The following EBP variants were observed in gnomAD, a reference collection of about 807,000 sequenced individuals.
The protein encoded by EBP is EBP cholestenol delta-isomerase.
Under a neutral mutation model 14.1 loss-of-function variants are expected in EBP, and 1 was observed. The observed-to-expected ratio is 0.07, with a 90% confidence interval of 0.03 to 0.34. EBP has a LOEUF of 0.34. Ranked by LOEUF, EBP falls within the 10% of genes least tolerant of loss-of-function variation. The pLI, the probability that EBP is intolerant of heterozygous loss-of-function variation, is 0.99. For synonymous variants in EBP, 72 were observed against 77.7 expected, an observed-to-expected ratio of 0.93 and a Z score of 0.38; for missense variants, 123 against 184.6, an observed-to-expected ratio of 0.67 and a Z score of 1.93.
At chrX:48,525,884 T>G in intron 2 of EBP, among the ~76,000 whole-genome samples, 1 of 108,473 alleles carries the variant, frequency 9.2e-6, no homozygotes, top group Non-Finnish European at 1.9e-5. Flanking sequence ...GTCAGGAGTT[T>G]GAGACCAGTC....
chrX:48,527,507 A>T, intron 4 of EBP: 1 of 515,190 alleles, frequency 1.9e-6, no homozygotes, highest in Non-Finnish European at 3.1e-6. Context: ...CTCCTTCTCC[A>T]TCACAAAGTC....
chrX:48,522,609 A>AAAGGGCTGGAAC (rs2061766189), intron 1 of EBP, among the ~76,000 whole-genome samples: 1 of 112,071 alleles, frequency 8.9e-6, no homozygotes, highest in African/African-American at 3.2e-5. Context: ...TATGGCTTCT[A>AAAGGGCTGGAAC]AAGGGCTGGA....
chrX:48,525,650 A>G (rs2061776617), intron 2 of EBP, among the ~76,000 whole-genome samples: 1 of 109,094 alleles, frequency 9.2e-6, no homozygotes, highest in Admixed American at 9.9e-5. Context: ...AAGTGCTAGG[A>G]TTACAAGCAT....
rs782366560 is a variant in EBP, at chrX:48,524,020, C to T, written c.249C>T (p.Phe83=). 8.3e-6 allele frequency: 10 copies of T among 1,211,368 alleles called. No individual in the cohort carries two copies. Among genetic ancestry groups the T allele is most frequent in the East Asian group, 3.0e-5 (1 of 33,854 alleles). Residue 83 remains phenylalanine (F), a synonymous_variant, in exon 2 of 5, where the codon TTC becomes TTT. Coordinates refer to ENST00000495186, the MANE Select transcript of EBP (RefSeq NM_006579.3). ...GFIHLVIEGW[F]VLYYEDLLGD... ...TTCACCTGGTGATCGAGGGCTGGTT[C>T]GTTCTCTACTACGAAGACCTGCTTG...
chrX:48,523,570 ACGG>A, intron 1 of EBP, 126 bp from the exon 2 acceptor site: 2 of 453,817 alleles, frequency 4.4e-6, no homozygotes, highest in Admixed American at 4.1e-5. Flanking sequence ...AAAAAAAAAA[ACGG>A]AATGTAATTA....
intron 2 of EBP, 83 bp from the exon 3 acceptor site, chrX:48,526,906 T>C (rs1214509519): frequency 1.8e-6 from 2 of 1,098,650 alleles, no homozygotes; most frequent in Non-Finnish European, 2.5e-6. Context: ...GAAGTCTGTC[T>C]TCTTGCAGGG....
At chrX:48,527,574 G>C in intron 4 of EBP, 1 of 376,874 alleles carries the variant, frequency 2.7e-6, no homozygotes, top group Non-Finnish European at 4.7e-6. Flanking sequence ...GGAACCTCCA[G>C]GATCAGGGCT....
chrX:48,527,988 T>C (rs1234018926), intron 4 of EBP, among the ~76,000 whole-genome samples: 3 of 112,124 alleles, frequency 2.7e-5, no homozygotes, highest in African/African-American at 9.7e-5. Context: ...TCCTAAGCTG[T>C]CTTGGATTTG....
In EBP at chrX:48,528,301, G is replaced by A; in HGVS notation, c.537G>A (p.Leu179=). The A allele has an allele frequency of 8.3e-7, 1 of 1,211,536 alleles. No individual in the cohort carries two copies. The highest frequency in any genetic ancestry group is 2.3e-4 in the Middle Eastern group (1 of 4,353). The change falls in exon 5 of 5, where the codon CTG becomes CTA. Residue 179 remains leucine (L), a synonymous_variant. Transcript: ENST00000495186. ...EHRDGFQHGE[L]GHPLYFWFYF... The stretch of plus-strand genomic sequence containing the variant: ...GCGACGGATTCCAGCACGGAGAGCT[G>A]GGCCACCCTCTCTACTTCTGGTTTT...
In EBP at chrX:48,523,723, T is replaced by C. The variant is rs1057523309; in HGVS notation, c.-49T>C. On this transcript the variant is annotated 5_prime_UTR_variant, in exon 2 of 5. Transcript: ENST00000495186. The stretch of plus-strand genomic sequence containing the variant: ...GGTTTTTCTGTTCCTTTTTTTTTTT[T>C]TTTTTTAACTTCCTGCCTATACACA... The C allele has an allele frequency of 8.6e-6, 9 of 1,047,081 alleles. No individual in the cohort carries two copies. The Admixed American group carries it at 2.5e-4, about 29-fold the overall frequency. 86.3% of individuals were successfully genotyped at this position (1,047,081 alleles called of 1,213,427 possible).
chrX:48,523,643 A>G, intron 1 of EBP, 56 bp from the exon 2 acceptor site: 1 of 726,739 alleles, frequency 1.4e-6, no homozygotes, highest in South Asian at 2.5e-5. Flanking sequence ...TTCTCATGAT[A>G]ATAAACTATT....
Position 48,523,865 on chromosome X carries a change from C to T in EBP, c.94C>T (p.Leu32=), listed in dbSNP as rs782262884. The stretch of plus-strand genomic sequence containing the variant: ...TAATGACCGCCCCACCTGGCATATA[C>T]TGGCTGGCCTCTTCTCTGTCACAGG... ...VPNDRPTWHI[L]AGLFSVTGVL... is the part of the protein sequence containing the mutation. Residue 32 remains leucine, a synonymous_variant, in exon 2 of 5, where the codon CTG becomes TTG. Transcript: ENST00000495186. 2.9e-5 allele frequency: 35 copies of T among 1,209,281 alleles called. No homozygotes were observed. The highest frequency in any genetic ancestry group is 2.2e-5 in the Non-Finnish European group (20 of 895,128).
At chrX:48,525,669 G>A (rs996762748) in intron 2 of EBP, among the ~76,000 whole-genome samples, 1 of 108,971 alleles carries the variant, frequency 9.2e-6, no homozygotes, top group Non-Finnish European at 1.9e-5. Context: ...ATGAGCCACC[G>A]CACCCAGCTG....
chrX:48,524,391 G>A (rs2061773170), intron 2 of EBP: 1 of 162,110 alleles, frequency 6.2e-6, no homozygotes, highest in East Asian at 1.6e-4. Context: ...ACTTTGGGAG[G>A]CCGAGGCAGG....
chrX:48,524,925 GC>G (rs1942958355), intron 2 of EBP: 1 of 111,363 alleles, frequency 9.0e-6, no homozygotes, highest in African/African-American at 3.3e-5. Flanking sequence ...TAACTCCTGG[GC>G]TCAAGCAATC....
At chrX:48,526,934 G>A in intron 2 of EBP, 55 bp from the exon 3 acceptor site, 1 of 1,187,014 alleles carries the variant, frequency 8.4e-7, no homozygotes, top group Admixed American at 2.2e-5. Flanking sequence ...GCTCTCACAA[G>A]TGTGTGTTCC....
intron 2 of EBP, among the ~76,000 whole-genome samples, chrX:48,524,976 C>T (rs956220796): frequency 1.8e-5 from 2 of 111,550 alleles, no homozygotes; most frequent in Non-Finnish European, 3.8e-5. Context: ...ATGACAGGTG[C>T]GCACCACCGT....
chrX:48,525,241 G>T (rs1569479707), intron 2 of EBP, among the ~76,000 whole-genome samples: 1 of 112,350 alleles, frequency 8.9e-6, no homozygotes, highest in Non-Finnish European at 1.9e-5. Flanking sequence ...GCAAACAGTG[G>T]TTGCCATGTA....
At chrX:48,526,119 C>T (rs1370397630) in intron 2 of EBP, among the ~76,000 whole-genome samples, 1 of 101,769 alleles carries the variant, frequency 9.8e-6, no homozygotes, top group Non-Finnish European at 2.0e-5. Flanking sequence ...AAAAACATTA[C>T]AGGCATGAGC....
Sources: gnomAD v4.1 joint callset for allele counts (sites outside exome capture counted in the v4.1 genomes callset) on GRCh38, gnomAD v4.1.1 for gene constraint, MANE v1.5 for transcripts, NCBI Gene and HGNC (gene_info 2026-07-23, HGNC 2026-07-21) for gene names.